The following CMTM8 variants were observed in gnomAD, a reference collection of about 807,000 sequenced individuals.
The protein encoded by CMTM8 is CKLF-like MARVEL transmembrane domain-containing protein 8.
Under a neutral mutation model 18.6 loss-of-function variants are expected in CMTM8, and 12 were observed. The observed-to-expected ratio is 0.65, with a 90% confidence interval of 0.41 to 1.05. The LOEUF (loss-of-function observed/expected upper bound fraction) is 1.05, where lower values mean the gene tolerates loss of function less well. Ranked by LOEUF, CMTM8 falls within the 50% of genes least tolerant of loss-of-function variation. The probability of loss-of-function intolerance (pLI) is 0.00; values close to 1 mark genes in which losing one functional copy is unlikely to be tolerated. For synonymous variants in CMTM8, 87 were observed against 90.6 expected, an observed-to-expected ratio of 0.96 and a Z score of 0.23; for missense variants, 217 against 227.2, an observed-to-expected ratio of 0.95 and a Z score of 0.29.
intron 1 of CMTM8, among the ~76,000 whole-genome samples, chr3:32,298,850 T>G (rs886345704): frequency 3.5e-5 from 5 of 144,118 alleles, no homozygotes; most frequent in Non-Finnish European, 6.0e-5. Flanking sequence ...TGTGTGTGTA[T>G]ATACACACAC....
chr3:32,282,000 C>T (rs1274722378), intron 1 of CMTM8, among the ~76,000 whole-genome samples: 2 of 152,110 alleles, frequency 1.3e-5, no homozygotes, highest in African/African-American at 2.4e-5. Context: ...TTTCCGTCTA[C>T]ACTCATTCCC....
intron 2 of CMTM8, among the ~76,000 whole-genome samples, chr3:32,366,821 G>A (rs1019036669): frequency 1.3e-5 from 2 of 151,292 alleles, no homozygotes; most frequent in African/African-American, 4.9e-5. Context: ...GTGAGACCAG[G>A]GCTTCTTAGG....
intron 3 of CMTM8, among the ~76,000 whole-genome samples, chr3:32,368,612 C>G (rs1206248576): frequency 1.3e-5 from 2 of 151,964 alleles, no homozygotes; most frequent in African/African-American, 4.8e-5. Flanking sequence ...AATCCTGCAC[C>G]ACCATGCCCA....
chr3:32,333,731 C>T (rs796076035), intron 1 of CMTM8, among the ~76,000 whole-genome samples: 4 of 150,848 alleles, frequency 2.7e-5, no homozygotes, highest in South Asian at 4.2e-4. Context: ...GATGAATAGG[C>T]AGAGCACGGA....
chr3:32,325,647 T>C (rs1041230278), intron 1 of CMTM8, among the ~76,000 whole-genome samples: 3 of 152,226 alleles, frequency 2.0e-5, no homozygotes, highest in Non-Finnish European at 4.4e-5. Flanking sequence ...TCTTACTTTT[T>C]AAATTTTTGT....
At chr3:32,330,081 CAT>C (rs544142430) in intron 1 of CMTM8, among the ~76,000 whole-genome samples, 323 of 151,752 alleles carry the variant, frequency 2.1e-3, no homozygotes, top group Non-Finnish European at 3.9e-3. Flanking sequence ...TTAAAGGAGA[CAT>C]AAATAGAAAG....
At chr3:32,330,559 GATAGACAT>G (rs1358472802) in intron 1 of CMTM8, among the ~76,000 whole-genome samples, 1 of 152,116 alleles carries the variant, frequency 6.6e-6, no homozygotes, top group Non-Finnish European at 1.5e-5. Flanking sequence ...CTGGCATAAA[GATAGACAT>G]ATAGACCAAT....
rs1696840768 is a variant in CMTM8, at chr3:32,357,511, T to C, written c.286T>C (p.Tyr96His). ...CCTCATTATCTACATAACAATGACC[T>C]ACACCAGGATTCCCCAGGTGCCCTG... is the stretch of plus-strand genomic sequence containing the variant. ...FFLIIYITMT[Y>H]TRIPQVPWTT... is the part of the protein sequence containing the mutation. The change falls in exon 2 of 4, where the codon TAC becomes CAC. Residue 96 changes from tyrosine to histidine, a missense_variant. Coordinates refer to ENST00000307526, the MANE Select transcript of CMTM8 (RefSeq NM_178868.5). 1 of 1,614,122 alleles carries C rather than the reference T, an allele frequency of 6.2e-7. No individual in the cohort carries two copies. Among genetic ancestry groups the C allele is most frequent in the Non-Finnish European group, 8.5e-7 (1 of 1,180,006 alleles).
chr3:32,353,012 C>T (rs771259814), intron 1 of CMTM8, among the ~76,000 whole-genome samples: 3 of 152,078 alleles, frequency 2.0e-5, no homozygotes, highest in Admixed American at 6.5e-5. Context: ...GACAGAGTCT[C>T]GCTCTGCACC....
intron 1 of CMTM8, among the ~76,000 whole-genome samples, chr3:32,292,888 C>T (rs552490780): frequency 1.1e-4 from 16 of 152,214 alleles, no homozygotes; most frequent in African/African-American, 3.4e-4. Context: ...CAAATGCGAA[C>T]GTGCATTTTG....
intron 1 of CMTM8, among the ~76,000 whole-genome samples, chr3:32,344,248 G>C (rs557152232): frequency 1.9e-4 from 29 of 152,316 alleles, no homozygotes; most frequent in African/African-American, 7.0e-4. Context: ...CAAATCCCCT[G>C]AGCTAAGCCA....
chr3:32,365,534 C>A (rs1697018315), intron 2 of CMTM8, among the ~76,000 whole-genome samples: 1 of 152,168 alleles, frequency 6.6e-6, no homozygotes, highest in South Asian at 2.1e-4. Context: ...CAACCTCCCT[C>A]TCCCAGGTTC....
intron 1 of CMTM8, among the ~76,000 whole-genome samples, chr3:32,293,063 G>GTACATATATATA (rs1158779014): frequency 1.5e-5 from 2 of 136,090 alleles, no homozygotes; most frequent in Admixed American, 1.6e-4. Context: ...TATGATGTGT[G>GTACATATATATA]TATATATGTG....
At chr3:32,300,491 G>T (rs1688991988) in intron 1 of CMTM8, among the ~76,000 whole-genome samples, 1 of 152,094 alleles carries the variant, frequency 6.6e-6, no homozygotes, top group African/African-American at 2.4e-5. Context: ...CCTTTTTGGG[G>T]GAAAGGGGGA....
At chr3:32,346,260 A>G (rs1559385683) in intron 1 of CMTM8, among the ~76,000 whole-genome samples, 1 of 152,228 alleles carries the variant, frequency 6.6e-6, no homozygotes. Flanking sequence ...TCTTACTCCC[A>G]TAACTCCCCA....
intron 1 of CMTM8, among the ~76,000 whole-genome samples, chr3:32,343,835 G>T (rs897887451): frequency 2.6e-5 from 4 of 152,154 alleles, no homozygotes; most frequent in African/African-American, 7.2e-5. Flanking sequence ...AGGAAGCTGG[G>T]ATTACAAGCA....
chr3:32,348,813 T>TA (rs1221570412), intron 1 of CMTM8, among the ~76,000 whole-genome samples: 2 of 152,234 alleles, frequency 1.3e-5, no homozygotes, highest in East Asian at 3.9e-4. Flanking sequence ...TGGAACCTAC[T>TA]AATCAGATGT....
At position 32,358,339 on chromosome 3, in the gene CMTM8, A is replaced by G. The variant is rs1305975304; in HGVS notation, c.321+793A>G. On this transcript the variant is annotated intron_variant, in intron 2 of 3. Transcript: ENST00000307526. The surrounding 1 kb of genome is among the most constrained non-coding windows in gnomAD (Gnocchi z 4.1). ...ATGGAAAGTGGGTTCCCCTTGCCTT[A>G]AGAGCATTGACAATCTGGTTGGCAA... is the stretch of plus-strand genomic sequence containing the variant. Among the ~76,000 whole-genome samples, 2 of 152,220 alleles carry G rather than the reference A, an allele frequency of 1.3e-5. No individual in the cohort carries two copies. Among genetic ancestry groups the G allele is most frequent in the South Asian group, 2.1e-4 (1 of 4,830 alleles).
intron 1 of CMTM8, among the ~76,000 whole-genome samples, chr3:32,261,899 C>T (rs933417424): frequency 7.9e-5 from 12 of 152,150 alleles, no homozygotes; most frequent in Admixed American, 5.9e-4. Flanking sequence ...TATTCATTGT[C>T]TTAGAGTTCA....
Sources: gnomAD v4.1 joint callset for allele counts (sites outside exome capture counted in the v4.1 genomes callset) on GRCh38, gnomAD v4.1.1 for gene constraint, Gnocchi (gnomAD v3.1) non-coding constraint, MANE v1.5 for transcripts, NCBI Gene and HGNC (gene_info 2026-07-23, HGNC 2026-07-21) for gene names.